Variants in MFHAS1 observed in about 807,000 individuals in gnomAD.
MFHAS1 encodes the protein multifunctional ROCO family signaling regulator 1.
MFHAS1 carries 50 observed loss-of-function variants against 70.4 expected under a neutral mutation model. The ratio of observed to expected loss-of-function variants is 0.71; its 90% CI spans 0.57 to 0.90. The LOEUF is 0.90. MFHAS1 is among the 40% of genes least tolerant of loss of function. The pLI is 0.00. For missense variants in MFHAS1, 1,795 were observed against 1,347.6 expected (o/e 1.33, Z -5.20); for synonymous variants, 952 against 620.0 (o/e 1.54, Z -7.96).
chr8:8,826,722 G>A (rs1445279112), intron 1 of MFHAS1, among the ~76,000 whole-genome samples: 1 of 152,184 alleles, frequency 6.6e-6, no homozygotes, highest in Non-Finnish European at 1.5e-5. Context: ...GACAGAGTGA[G>A]GCTCCATCTC....
At chr8:8,839,778 A>C (rs1182597574) in intron 1 of MFHAS1, among the ~76,000 whole-genome samples, 2 of 152,218 alleles carry the variant, frequency 1.3e-5, no homozygotes, top group Non-Finnish European at 2.9e-5. Flanking sequence ...ACGAGCCCAA[A>C]GAGTAACGGT....
Position 8,890,176 on chromosome 8 carries a change from G to A in MFHAS1, c.2883C>T (p.Pro961=), listed in dbSNP as rs778156928. ...NIWTAWQAIT[P]LVEELNVLLQ... is the part of the protein sequence containing the mutation. ...GTAGGACATTCAGTTCCTCCACCAA[G>A]GGGGTTATGGCTTGCCATGCGGTCC... is the stretch of plus-strand genomic sequence containing the variant. Residue 961 remains proline (P), a synonymous_variant, in exon 1 of 3, where the codon CCC becomes CCT. Transcript: ENST00000276282. 57 of 1,614,190 alleles carry A rather than the reference G, an allele frequency of 3.5e-5. No individual in the cohort carries two copies. The highest frequency in any genetic ancestry group is 1.5e-4 in the Admixed American group (9 of 60,024).
rs1173021412 is a variant in MFHAS1, at chr8:8,784,416, A to G, written c.*1606T>C. The stretch of plus-strand genomic sequence containing the variant: ...TTGAGGTGTCCTATTCAAGTATTAA[A>G]AAAATGCAAACATCGTCTGATCCCA... On this transcript the variant is annotated 3_prime_UTR_variant, in exon 3 of 3. Transcript: ENST00000276282. The G allele has an allele frequency of 6.6e-6, 1 of 152,222 alleles. No individual in the cohort carries two copies. The highest frequency in any genetic ancestry group is 1.5e-5 in the Non-Finnish European group (1 of 68,040). 9.4% of individuals were successfully genotyped at this position (152,222 alleles called of 1,614,324 possible). A position where few individuals can be genotyped will look rare whatever the true frequency, so the allele number is the denominator to read the frequency against.
At chr8:8,831,015 C>T (rs906640264) in intron 1 of MFHAS1, among the ~76,000 whole-genome samples, 1 of 152,174 alleles carries the variant, frequency 6.6e-6, no homozygotes, top group Non-Finnish European at 1.5e-5. Context: ...AATGTAGTTT[C>T]TCACAGTCCA....
intron 2 of MFHAS1, among the ~76,000 whole-genome samples, chr8:8,792,578 C>T (rs1175195041): frequency 6.6e-6 from 1 of 152,174 alleles, no homozygotes; most frequent in African/African-American, 2.4e-5. Context: ...TGCACTCCAG[C>T]CTGGGCTACA....
At chr8:8,854,755 T>G (rs980208765) in intron 1 of MFHAS1, among the ~76,000 whole-genome samples, 1 of 152,160 alleles carries the variant, frequency 6.6e-6, no homozygotes, top group Non-Finnish European at 1.5e-5. Context: ...GGAACATATT[T>G]ACACTAAAAA....
chr8:8,820,010 C>T (rs1341221090), intron 1 of MFHAS1, among the ~76,000 whole-genome samples: 7 of 152,148 alleles, frequency 4.6e-5, no homozygotes, highest in Non-Finnish European at 1.0e-4. Context: ...TACAGACTAT[C>T]TATGAAACAC....
At chr8:8,859,356 A>C (rs988341061) in intron 1 of MFHAS1, among the ~76,000 whole-genome samples, 1 of 152,188 alleles carries the variant, frequency 6.6e-6, no homozygotes, top group East Asian at 1.9e-4. Flanking sequence ...TCACACCAAA[A>C]AAAAAAGTTC....
chr8:8,834,286 C>T (rs1298700592), intron 1 of MFHAS1, among the ~76,000 whole-genome samples: 2 of 152,160 alleles, frequency 1.3e-5, no homozygotes, highest in Non-Finnish European at 2.9e-5. Context: ...CGCCATAACT[C>T]AATTTTTTAA....
intron 1 of MFHAS1, among the ~76,000 whole-genome samples, chr8:8,853,498 CAA>C (rs1356271106): frequency 6.9e-6 from 1 of 144,092 alleles, no homozygotes; most frequent in East Asian, 2.0e-4. Context: ...AAACCACACA[CAA>C]CTTAGATTGC....
intron 1 of MFHAS1, among the ~76,000 whole-genome samples, chr8:8,859,705 T>A: frequency 6.6e-6 from 1 of 152,226 alleles, no homozygotes; most frequent in Non-Finnish European, 1.5e-5. Context: ...TTTACTATAT[T>A]GTAAGAATAT....
chr8:8,818,129 A>C (rs558711844), intron 1 of MFHAS1, among the ~76,000 whole-genome samples: 8 of 152,168 alleles, frequency 5.3e-5, no homozygotes, highest in Non-Finnish European at 1.0e-4. Flanking sequence ...TTGTGGGTCC[A>C]CCTTGAAACC....
chr8:8,806,616 A>C (rs892865818), intron 1 of MFHAS1, among the ~76,000 whole-genome samples: 1 of 152,212 alleles, frequency 6.6e-6, no homozygotes, highest in Non-Finnish European at 1.5e-5. Flanking sequence ...ACACAAGAAC[A>C]ATAGATGCTT....
chr8:8,829,608 T>C (rs567387873), intron 1 of MFHAS1, among the ~76,000 whole-genome samples: 3 of 152,214 alleles, frequency 2.0e-5, no homozygotes, highest in East Asian at 1.9e-4. Flanking sequence ...TTGAACCCAG[T>C]AGGTGGAGGT....
intron 1 of MFHAS1, among the ~76,000 whole-genome samples, chr8:8,873,693 G>T (rs1469279708): frequency 1.3e-5 from 2 of 152,028 alleles, no homozygotes; most frequent in Non-Finnish European, 2.9e-5. Context: ...CGAGAGGATG[G>T]TTCTAGGATA....
chr8:8,828,127 C>G (rs1807232528), intron 1 of MFHAS1, among the ~76,000 whole-genome samples: 1 of 152,152 alleles, frequency 6.6e-6, no homozygotes. Context: ...TATGCCCTAC[C>G]TTCGAGAATG....
intron 1 of MFHAS1, among the ~76,000 whole-genome samples, chr8:8,810,789 C>G (rs955571358): frequency 6.6e-5 from 10 of 152,144 alleles, no homozygotes; most frequent in African/African-American, 2.4e-4. Context: ...CTGGTCAGTG[C>G]CCCTAAACCC....
chr8:8,844,671 C>G (rs1294518998), intron 1 of MFHAS1, among the ~76,000 whole-genome samples: 1 of 152,220 alleles, frequency 6.6e-6, no homozygotes, highest in African/African-American at 2.4e-5. Context: ...CACCACCCAT[C>G]ACACTCTATC....
At chr8:8,836,047 G>A (rs140943018) in intron 1 of MFHAS1, among the ~76,000 whole-genome samples, 23 of 152,302 alleles carry the variant, frequency 1.5e-4, no homozygotes, top group Middle Eastern at 3.4e-3. Context: ...AAAGTGTGCT[G>A]AACTCCAATC....
Sources: gnomAD v4.1 joint callset for allele counts (sites outside exome capture counted in the v4.1 genomes callset) on GRCh38, gnomAD v4.1.1 for gene constraint, MANE v1.5 for transcripts, NCBI Gene and HGNC (gene_info 2026-07-23, HGNC 2026-07-21) for gene names.